The following TBC1D20 variants were observed in gnomAD, a reference collection of about 807,000 sequenced individuals.
TBC1D20 encodes the protein TBC1 domain family member 20, also known as chromosome 20 open reading frame 140.
Under a neutral mutation model 41.6 loss-of-function variants are expected in TBC1D20, and 12 were observed. That is an observed-to-expected ratio of 0.29 (90% CI 0.18 to 0.47). TBC1D20 has a LOEUF of 0.47. TBC1D20 is among the 20% of genes least tolerant of loss of function. TBC1D20 has a pLI of 1.00. For missense variants in TBC1D20, 421 were observed against 517.4 expected, an observed-to-expected ratio of 0.81 and a Z score of 1.81; for synonymous variants, 205 against 204.8, an observed-to-expected ratio of 1.00 and a Z score of -0.01.
At chr20:455,152 G>C (rs1426218042) in intron 1 of TBC1D20, among the ~76,000 whole-genome samples, 1 of 152,160 alleles carries the variant, frequency 6.6e-6, no homozygotes, top group Non-Finnish European at 1.5e-5. Flanking sequence ...CTCCTGGCTT[G>C]ACTGCTGTTT....
chr20:440,616 T>C lies in TBC1D20; in HGVS notation c.627-227A>G, dbSNP rs535082662. ...GTCCTGGCTGCTTTATCTCACTGGG[T>C]GCTCGCCTACTGGCCAACAAATGTC... On this transcript the variant is annotated intron_variant, in intron 5 of 7. Transcript: ENST00000354200. 8.3e-6 allele frequency: 4 copies of C among 482,276 alleles called. No individual in the cohort carries two copies. The South Asian group carries it at 1.3e-4, about 16-fold the overall frequency. 29.9% of individuals were successfully genotyped at this position (482,276 alleles called of 1,614,324 possible).
intron 3 of TBC1D20, among the ~76,000 whole-genome samples, chr20:444,413 G>A (rs2017293072): frequency 6.6e-6 from 1 of 152,186 alleles, no homozygotes; most frequent in South Asian, 2.1e-4. Context: ...TGACCTAAAG[G>A]TGGAGTTGCC....
At chr20:446,035 T>C (rs1820539729) in intron 2 of TBC1D20, among the ~76,000 whole-genome samples, 1 of 152,244 alleles carries the variant, frequency 6.6e-6, no homozygotes, top group Admixed American at 6.5e-5. Flanking sequence ...CTGTGAACTT[T>C]TTGGTGGCAG....
intron 1 of TBC1D20, among the ~76,000 whole-genome samples, chr20:461,226 TG>T (rs1427594141): frequency 2.6e-5 from 4 of 152,216 alleles, no homozygotes; most frequent in African/African-American, 9.7e-5. Flanking sequence ...TGGTTCACGG[TG>T]TACATTCATA....
chr20:441,548 G>A lies in TBC1D20; in HGVS notation c.626+40C>T, dbSNP rs777843126. The A allele has an allele frequency of 1.9e-5, 29 of 1,505,240 alleles. 1 individual carries two copies. Among genetic ancestry groups the A allele is most frequent in the South Asian group, 1.5e-4 (13 of 88,936 alleles). 93.2% of individuals were successfully genotyped at this position (1,505,240 alleles called of 1,614,324 possible). A position where few individuals can be genotyped will look rare whatever the true frequency, so the allele number is the denominator to read the frequency against. On this transcript the variant is annotated intron_variant, in intron 5 of 7. Coordinates refer to ENST00000354200, the MANE Select transcript of TBC1D20 (RefSeq NM_144628.4). ...GTTTCAGGTGTGGGGGGGTGTGGGC[G>A]TGTGTATGCATGCACACAGAAATGC... is the stretch of plus-strand genomic sequence containing the variant.
intron 1 of TBC1D20, among the ~76,000 whole-genome samples, chr20:450,249 A>C (rs936597635): frequency 2.0e-5 from 3 of 151,898 alleles, no homozygotes; most frequent in African/African-American, 7.3e-5. Context: ...CCCAGGTTCA[A>C]GTGATTTTCC....
chr20:445,126 CTT>C lies in TBC1D20; in HGVS notation c.259_260del (p.Lys87GlufsTer41). 6.3e-7 allele frequency: 1 copy of C among 1,594,098 alleles called. No individual in the cohort carries two copies. The highest frequency in any genetic ancestry group is 8.6e-7 in the Non-Finnish European group (1 of 1,167,416). Reference sequence around the variant, plus strand: ...AGTCCTTGCTCATCTGCCGTAGGTTCTTCCCTATTGAAGGAAAAGGCACGTTA... The same window carrying C: ...AGTCCTTGCTCATCTGCCGTAGGTTCCCCTATTGAAGGAAAAGGCACGTTA... ...NANDPPPISG[K>X]NLRQMSKDYQ... is the part of the protein sequence containing the mutation. On this transcript the variant is annotated frameshift_variant and splice_region_variant, in exon 3 of 8. Transcript: ENST00000354200. LOFTEE classifies it high-confidence loss of function.
intron 1 of TBC1D20, 124 bp downstream of exon 1, chr20:462,212 C>T: frequency 1.7e-6 from 1 of 576,958 alleles, no homozygotes; most frequent in Non-Finnish European, 2.4e-6. Context: ...CCTCTCGCCG[C>T]CCGGAACCCC....
Position 439,152 on chromosome 20 carries a change from T to G in TBC1D20, c.912A>C (p.Pro304=). 1.2e-6 allele frequency: 2 copies of G among 1,614,046 alleles called. No homozygotes were observed. The highest frequency in any genetic ancestry group is 1.1e-5 in the South Asian group (1 of 91,064). The change falls in exon 7 of 8, where the codon CCA becomes CCC. Residue 304 remains proline, a synonymous_variant. Coordinates refer to ENST00000354200, the MANE Select transcript of TBC1D20 (RefSeq NM_144628.4). The surrounding 1 kb of genome is among the most constrained non-coding windows in gnomAD (Gnocchi z 4.6). The part of the protein sequence containing the change: ...RAGDLFVQFP[P]SELAREAAAQ... Reference sequence around the variant, plus strand: ...CAGCGGCCTCCCGAGCAAGTTCGGATGGGGGAAACTGAACAAAAAGGTCTC... The same window carrying G: ...CAGCGGCCTCCCGAGCAAGTTCGGAGGGGGGAAACTGAACAAAAAGGTCTC...
intron 1 of TBC1D20, among the ~76,000 whole-genome samples, chr20:448,409 G>C (rs754415267): frequency 6.6e-6 from 1 of 152,126 alleles, no homozygotes; most frequent in Non-Finnish European, 1.5e-5. Context: ...AGACAGTGTC[G>C]GCTGGGTGTG....
At chr20:452,612 A>G (rs2017465419) in intron 1 of TBC1D20, among the ~76,000 whole-genome samples, 1 of 152,210 alleles carries the variant, frequency 6.6e-6, no homozygotes, top group Admixed American at 6.5e-5. Flanking sequence ...GCAATACCCT[A>G]TTATCAAGGC....
chr20:443,299 G>A lies in TBC1D20; in HGVS notation c.338-1256C>T, dbSNP rs1171652913. Among the ~76,000 whole-genome samples, 7 of 152,298 alleles carry A rather than the reference G, an allele frequency of 4.6e-5. No homozygotes were observed. The East Asian group carries it at 1.2e-3, about 25-fold the overall frequency. On this transcript the variant is annotated intron_variant, in intron 3 of 7. Coordinates refer to ENST00000354200, the MANE Select transcript of TBC1D20 (RefSeq NM_144628.4). The stretch of plus-strand genomic sequence containing the variant: ...GAAAAACTGATCCTCTTGATCCAAA[G>A]ATGTATTATAGCTGGAAATAGGGAA...
At position 440,382 on chromosome 20, in the gene TBC1D20, C is replaced by T. The variant is rs775317022; in HGVS notation, c.634G>A (p.Val212Ile). The change falls in exon 6 of 8, where the codon GTA (valine) becomes ATA (isoleucine). Residue 212 changes from valine (V) to isoleucine (I), a missense_variant. Coordinates refer to ENST00000354200, the MANE Select transcript of TBC1D20 (RefSeq NM_144628.4). ...ELHDFMQSAE[V>I]GTIFALSWLI... is the part of the protein sequence containing the mutation. ...CAGCTGAGGGCAAAGATGGTCCCTA[C>T]CTCAGCACTAGAAACAAAGGAAAGG... The T allele has an allele frequency of 2.5e-6, 4 of 1,614,004 alleles. No homozygotes were observed. Among genetic ancestry groups the T allele is most frequent in the Non-Finnish European group, 3.4e-6 (4 of 1,180,020 alleles).
At position 462,430 on chromosome 20, in the gene TBC1D20, C is replaced by A; in HGVS notation, c.-25G>T. The A allele has an allele frequency of 8.4e-7, 1 of 1,194,918 alleles. No homozygotes were observed. Among genetic ancestry groups the A allele is most frequent in the Non-Finnish European group, 1.0e-6 (1 of 954,536 alleles). The allele number at this position is 1,194,918 out of a possible 1,614,324, so 74.0% of individuals were successfully genotyped here. ...TGCCCCGGGGCCCCGGGCCCCCACC[C>A]GAGCCCCGGCTGGTGGCGGAGCCGG... is the stretch of plus-strand genomic sequence containing the variant. On this transcript the variant is annotated 5_prime_UTR_variant, in exon 1 of 8. Transcript: ENST00000354200.
rs538330099 is a variant in TBC1D20 at position 439,014 on chromosome 20, C to A, written c.956+94G>T. On this transcript the variant is annotated intron_variant, in intron 7 of 7. Coordinates refer to ENST00000354200, the MANE Select transcript of TBC1D20 (RefSeq NM_144628.4). This position sits in a 1 kb window ranked among gnomAD's most constrained non-coding sequence, Gnocchi z 4.6. ...TGGCCTAAGCTCAGATCTCTGGAAA[C>A]ATGCCCCAACCCTATCCCACCAGAC... 6.3e-5 allele frequency: 94 copies of A among 1,496,982 alleles called. No homozygotes were observed. The highest frequency in any genetic ancestry group is 8.0e-5 in the Non-Finnish European group (89 of 1,109,430). The allele number at this position is 1,496,982 out of a possible 1,614,324, so 92.7% of individuals were successfully genotyped here. A position where few individuals can be genotyped will look rare whatever the true frequency, so the allele number is the denominator to read the frequency against.
chr20:458,911 AG>A (rs923135472), intron 1 of TBC1D20, among the ~76,000 whole-genome samples: 1 of 152,162 alleles, frequency 6.6e-6, no homozygotes, highest in Non-Finnish European at 1.5e-5. Context: ...TGTTTTTTTC[AG>A]GCCCCAACAC....
chr20:441,563 C>T (rs775266186), intron 5 of TBC1D20, 25 bp downstream of exon 5: 3 of 1,584,356 alleles, frequency 1.9e-6, no homozygotes, highest in South Asian at 1.1e-5. Context: ...TATGCATGCA[C>T]ACAGAAATGC....
At chr20:452,197 C>T (rs910135405) in intron 1 of TBC1D20, among the ~76,000 whole-genome samples, 1 of 152,162 alleles carries the variant, frequency 6.6e-6, no homozygotes, top group East Asian at 1.9e-4. Flanking sequence ...ATCCCAGCTA[C>T]TCATGAGGCT....
chr20:438,790 C>G lies in TBC1D20; in HGVS notation c.1008G>C (p.Arg336Ser). 1 of 1,614,246 alleles carries G rather than the reference C, an allele frequency of 6.2e-7. No individual in the cohort carries two copies. Among genetic ancestry groups the G allele is most frequent in the Non-Finnish European group, 8.5e-7 (1 of 1,180,048 alleles). ...KDFELASAQQ[R>S]PDMVLRQRFR... ...ACCGCTGCCGCAGCACCATATCAGG[C>G]CTCTGCTGGGCTGATGCCAGCTCAA... The change falls in exon 8 of 8, where the codon AGG becomes AGC. Residue 336 changes from arginine (R) to serine (S), a missense_variant. Arg to Ser is a moderately radical substitution (Grantham distance 110). Coordinates refer to ENST00000354200, the MANE Select transcript of TBC1D20 (RefSeq NM_144628.4).
Sources: gnomAD v4.1 joint callset for allele counts (sites outside exome capture counted in the v4.1 genomes callset) on GRCh38, gnomAD v4.1.1 for gene constraint, Gnocchi (gnomAD v3.1) non-coding constraint, MANE v1.5 for transcripts, NCBI Gene and HGNC (gene_info 2026-07-23, HGNC 2026-07-21) for gene names.